The following RPH3A variants were observed in gnomAD, a reference collection of about 807,000 sequenced individuals.
RPH3A encodes the protein rabphilin-3A.
Under a neutral mutation model 102.2 loss-of-function variants are expected in RPH3A, and 48 were observed. The ratio of observed to expected loss-of-function variants is 0.47; its 90% CI spans 0.37 to 0.60. The LOEUF is 0.60. Ranked by LOEUF, RPH3A falls within the 20% of genes least tolerant of loss-of-function variation. The probability of loss-of-function intolerance (pLI) is 0.00; values close to 1 mark genes in which losing one functional copy is unlikely to be tolerated. For missense variants in RPH3A, 781 were observed against 910.1 expected, an observed-to-expected ratio of 0.86 and a Z score of 1.83; for synonymous variants, 310 against 324.3, an observed-to-expected ratio of 0.96 and a Z score of 0.47.
chr12:112,890,040 C>T lies in RPH3A; in HGVS notation c.1580C>T (p.Thr527Ile), dbSNP rs1017211821. 7.4e-6 allele frequency: 12 copies of T among 1,613,528 alleles called. No homozygotes were observed. Among genetic ancestry groups the T allele is most frequent in the Non-Finnish European group, 1.0e-5 (12 of 1,179,982 alleles). The part of the protein sequence containing the change: ...ERVIPMKRAG[T>I]TGSARGMALY... ...TCTTTTAAGATGAAACGTGCTGGGA[C>T]CACCGGGTCAGCCCGAGGCATGGCC... The change falls in exon 18 of 22, where the codon ACC becomes ATC. Residue 527 changes from threonine (T) to isoleucine (I), a missense_variant. By Grantham distance (89) the Thr-to-Ile change is moderately conservative (BLOSUM62 -1). This residue lies in a region of RPH3A where 730 missense variants were observed against 810.0 expected (regional missense o/e 0.90). Coordinates refer to ENST00000389385, the MANE Select transcript of RPH3A (RefSeq NM_001143854.2).
chr12:112,883,907 G>A (rs1026657619), intron 16 of RPH3A, among the ~76,000 whole-genome samples: 1 of 152,098 alleles, frequency 6.6e-6, no homozygotes. Context: ...CCAGTTTACT[G>A]TTGATGTATT....
rs1350934984 is a variant in RPH3A, at chr12:112,898,530, C to A, written c.*1750C>A. ...GAATAACCATTTTCTAAACATCGAGCTCTTCACCTTCCCCAAGGTGGCCAA... is the reference window on the plus strand; with the variant it reads ...GAATAACCATTTTCTAAACATCGAGATCTTCACCTTCCCCAAGGTGGCCAA... On this transcript the variant is annotated 3_prime_UTR_variant, in exon 22 of 22. Transcript: ENST00000389385. 3 of 152,328 alleles carry A rather than the reference C, an allele frequency of 2.0e-5. No homozygotes were observed. Among genetic ancestry groups the A allele is most frequent in the Non-Finnish European group, 4.4e-5 (3 of 68,152 alleles). 9.4% of individuals were successfully genotyped at this position (152,328 alleles called of 1,614,324 possible). A position where few individuals can be genotyped will look rare whatever the true frequency, so the allele number is the denominator to read the frequency against.
intron 21 of RPH3A, among the ~76,000 whole-genome samples, chr12:112,896,353 A>G (rs953187203): frequency 2.0e-5 from 3 of 152,188 alleles, no homozygotes. Flanking sequence ...AGTTCCCAGA[A>G]GTAGTGGGAG....
chr12:112,688,326 G>T (rs1452278730), intron 1 of RPH3A, among the ~76,000 whole-genome samples: 1 of 152,150 alleles, frequency 6.6e-6, no homozygotes, highest in Admixed American at 6.5e-5. Context: ...TGGGGAGAAG[G>T]TTTTCATTAG....
At chr12:112,584,145 C>A (rs2039421539) in intron 1 of RPH3A, among the ~76,000 whole-genome samples, 1 of 152,138 alleles carries the variant, frequency 6.6e-6, no homozygotes, top group Admixed American at 6.5e-5. Context: ...AGGAAGTCTG[C>A]AGTATCACAA....
At chr12:112,669,443 C>A (rs2040112026) in intron 1 of RPH3A, among the ~76,000 whole-genome samples, 1 of 152,220 alleles carries the variant, frequency 6.6e-6, no homozygotes, top group Admixed American at 6.5e-5. Context: ...AATACACTGT[C>A]ATCTGCTCAT....
intron 1 of RPH3A, among the ~76,000 whole-genome samples, chr12:112,619,027 C>T (rs951467556): frequency 3.3e-5 from 5 of 152,124 alleles, no homozygotes; most frequent in African/African-American, 9.7e-5. Flanking sequence ...AAGCATGAAT[C>T]GGTGCTTCCT....
chr12:112,648,004 C>G (rs2039943704), intron 1 of RPH3A, among the ~76,000 whole-genome samples: 1 of 152,130 alleles, frequency 6.6e-6, no homozygotes, highest in African/African-American at 2.4e-5. Flanking sequence ...TCTCCTGACA[C>G]TATAAAATAT....
At chr12:112,892,743 GT>G (rs1202947779) in intron 19 of RPH3A, 1 of 152,166 alleles carries the variant, frequency 6.6e-6, no homozygotes, top group East Asian at 1.9e-4. Context: ...TGCCATTATG[GT>G]TATAAATAAC....
chr12:112,895,806 C>A lies in RPH3A; in HGVS notation c.1887C>A (p.Asp629Glu), dbSNP rs758787174. The A allele has an allele frequency of 6.2e-7, 1 of 1,613,880 alleles. No individual in the cohort carries two copies. The highest frequency in any genetic ancestry group is 1.3e-5 in the African/African-American group (1 of 74,918). ...EEFFYDIKHS[D>E]LAKKSLDISV... Reference sequence around the variant, plus strand: ...TTTTCTATGACATCAAACACAGTGACCTGGCAAAGAAGTCACTGGACATTT... The same window carrying A: ...TTTTCTATGACATCAAACACAGTGAACTGGCAAAGAAGTCACTGGACATTT... The change falls in exon 21 of 22, where the codon GAC (aspartate) becomes GAA (glutamate). Residue 629 changes from aspartate (D) to glutamate (E), a missense_variant. Around this residue, in one of 2 missense-constraint regions of RPH3A, gnomAD observed 51 missense variants for 100.1 expected, o/e 0.51. Transcript: ENST00000389385.
intron 1 of RPH3A, among the ~76,000 whole-genome samples, chr12:112,745,253 C>A (rs1385999398): frequency 6.6e-6 from 1 of 152,186 alleles, no homozygotes; most frequent in African/African-American, 2.4e-5. Flanking sequence ...TATCTGGAGG[C>A]ACCTGCTATT....
At chr12:112,851,163 C>T (rs1242498404) in intron 5 of RPH3A, among the ~76,000 whole-genome samples, 1 of 152,176 alleles carries the variant, frequency 6.6e-6, no homozygotes, top group Non-Finnish European at 1.5e-5. Context: ...GTGCTTAACT[C>T]ATTAACTGCT....
At chr12:112,720,349 A>G (rs748889383) in intron 1 of RPH3A, among the ~76,000 whole-genome samples, 34 of 152,222 alleles carry the variant, frequency 2.2e-4, no homozygotes, top group Non-Finnish European at 4.6e-4. Context: ...GGGCCAACCA[A>G]TACATCTTAG....
intron 1 of RPH3A, among the ~76,000 whole-genome samples, chr12:112,761,331 C>T (rs937487512): frequency 3.9e-5 from 6 of 152,132 alleles, no homozygotes; most frequent in African/African-American, 1.2e-4. Context: ...TTCACATGCA[C>T]GTGCATTCTA....
At chr12:112,748,173 G>A (rs1426822519) in intron 1 of RPH3A, among the ~76,000 whole-genome samples, 4 of 152,216 alleles carry the variant, frequency 2.6e-5, no homozygotes, top group Non-Finnish European at 4.4e-5. Context: ...AGTCCTATGA[G>A]GGCAGAGAAC....
chr12:112,628,560 C>G (rs1298273296), intron 1 of RPH3A, among the ~76,000 whole-genome samples: 9 of 95,890 alleles, frequency 9.4e-5, no homozygotes, highest in African/African-American at 4.0e-4. Flanking sequence ...CAAGGCCTGT[C>G]TTTACCACAA....
At chr12:112,674,527 G>A (rs914624391) in intron 1 of RPH3A, among the ~76,000 whole-genome samples, 2 of 152,184 alleles carry the variant, frequency 1.3e-5, no homozygotes, top group Admixed American at 1.3e-4. Flanking sequence ...ACAGCTCTGA[G>A]TGGAGGCGGT....
At chr12:112,857,549 G>A (rs2042430641) in intron 5 of RPH3A, among the ~76,000 whole-genome samples, 1 of 152,138 alleles carries the variant, frequency 6.6e-6, no homozygotes, top group Non-Finnish European at 1.5e-5. Flanking sequence ...GCCAAAGAAT[G>A]CAGCTGACTT....
intron 1 of RPH3A, among the ~76,000 whole-genome samples, chr12:112,782,685 A>G (rs890724321): frequency 1.3e-5 from 2 of 152,012 alleles, no homozygotes; most frequent in African/African-American, 4.8e-5. Flanking sequence ...CATCTTTTCT[A>G]TTTCTCCTTA....
Sources: gnomAD v4.1 joint callset for allele counts (sites outside exome capture counted in the v4.1 genomes callset) on GRCh38, gnomAD v4.1.1 for gene constraint, gnomAD v4.1.1 regional missense constraint, MANE v1.5 for transcripts, NCBI Gene and HGNC (gene_info 2026-07-23, HGNC 2026-07-21) for gene names.